The following XPOT variants were observed in gnomAD, a reference collection of about 807,000 sequenced individuals.
The protein encoded by XPOT is exportin-T.
XPOT carries 34 observed loss-of-function variants against 128.2 expected under a neutral mutation model. The ratio of observed to expected loss-of-function variants is 0.27; its 90% CI spans 0.20 to 0.35. The LOEUF is 0.35. Among genes scored for constraint, XPOT ranks in the 10% least tolerant of loss-of-function variants. XPOT has a pLI of 1.00. For missense variants in XPOT, 838 were observed against 1,125.3 expected (o/e 0.74, Z 3.65); for synonymous variants, 348 against 394.3 (o/e 0.88, Z 1.39).
At chr12:64,415,985 A>T (rs990495059) in intron 3 of XPOT, among the ~76,000 whole-genome samples, 12 of 152,334 alleles carry the variant, frequency 7.9e-5, no homozygotes, top group African/African-American at 2.9e-4. Context: ...AAAGCATTCA[A>T]CTAACTTTTT....
In XPOT at chr12:64,448,473, C is replaced by G; in HGVS notation, c.*342C>G. ...AAACAGTGTACTTTTTAAAAAATTG[C>G]TGAATATAAAATCTTTGAAAATTTT... On this transcript the variant is annotated 3_prime_UTR_variant, in exon 25 of 25. Coordinates refer to ENST00000332707, the MANE Select transcript of XPOT (RefSeq NM_007235.6). 5.1e-6 allele frequency: 1 copy of G among 197,128 alleles called. No individual in the cohort carries two copies. The highest frequency in any genetic ancestry group is 1.0e-5 in the Non-Finnish European group (1 of 97,502). The allele number at this position is 197,128 out of a possible 1,614,324, so 12.2% of individuals were successfully genotyped here. A position where few individuals can be genotyped will look rare whatever the true frequency, so the allele number is the denominator to read the frequency against.
chr12:64,424,518 A>T, intron 11 of XPOT, 81 bp from the exon 12 acceptor site: 1 of 1,459,520 alleles, frequency 6.9e-7, no homozygotes, highest in South Asian at 1.4e-5. Flanking sequence ...TTTGTTACAT[A>T]GGTATACATG....
At chr12:64,445,202 C>T in intron 24 of XPOT, 71 bp downstream of exon 24, 1 of 1,174,742 alleles carries the variant, frequency 8.5e-7, no homozygotes, top group Non-Finnish European at 1.2e-6. Context: ...AGAATACATA[C>T]CTGCAATTAT....
Position 64,418,918 on chromosome 12 carries a change from G to A in XPOT, c.313G>A (p.Ala105Thr), listed in dbSNP as rs754244974. 1.9e-6 allele frequency: 3 copies of A among 1,613,814 alleles called. No individual in the cohort carries two copies. The African/African-American group carries it at 4.0e-5, about 22-fold the overall frequency. ...QPEKTFIRNK[A>T]AQVFALLFVT... ...AGAGAAGACCTTTATACGAAATAAA[G>A]CCGCCCAAGTCTTCGCCTTGCTTTT... Residue 105 changes from alanine (A) to threonine (T), a missense_variant, in exon 6 of 25, where the codon GCC becomes ACC. Ala to Thr is a moderately conservative substitution (Grantham distance 58). Coordinates refer to ENST00000332707, the MANE Select transcript of XPOT (RefSeq NM_007235.6).
At chr12:64,444,797 GT>G (rs1473249354) in intron 23 of XPOT, among the ~76,000 whole-genome samples, 1 of 151,970 alleles carries the variant, frequency 6.6e-6, no homozygotes, top group East Asian at 1.9e-4. Flanking sequence ...AGTTTTAAGT[GT>G]TTTTAACTAC....
chr12:64,415,086 AT>A, intron 3 of XPOT, 97 bp downstream of exon 3: 1 of 785,384 alleles, frequency 1.3e-6, no homozygotes, highest in Non-Finnish European at 2.1e-6. Flanking sequence ...TCATAAAAAC[AT>A]TTTATGACTT....
At chr12:64,419,155 C>T in intron 6 of XPOT, 61 bp downstream of exon 6, 1 of 1,375,178 alleles carries the variant, frequency 7.3e-7, no homozygotes, top group Non-Finnish European at 1.0e-6. Flanking sequence ...ATAATGGGCA[C>T]ATAATAAAAA....
At position 64,423,006 on chromosome 12, in the gene XPOT, T is replaced by C. The variant is rs768607393; in HGVS notation, c.1082T>C (p.Leu361Pro). The C allele has an allele frequency of 1.1e-5, 18 of 1,613,010 alleles. No individual in the cohort carries two copies. In the South Asian group the frequency reaches 2.0e-4, roughly 18 times the overall value. Residue 361 changes from leucine (L) to proline (P), a missense_variant and splice_region_variant, in exon 10 of 25, where the codon CTT (leucine) becomes CCT (proline). By Grantham distance (98) the Leu-to-Pro change is moderately conservative. Coordinates refer to ENST00000332707, the MANE Select transcript of XPOT (RefSeq NM_007235.6). ...AAGTTATTGCTTCCTTTTTAACAGC[T>C]TACAGTGCTCTCGGATCAGCAAAAA... is the stretch of plus-strand genomic sequence containing the variant. ...CYDYLHILKQLTVLSDQQKAN... is the reference protein window; with the variant it reads ...CYDYLHILKQPTVLSDQQKAN...
rs754880442 is a variant in XPOT at position 64,430,138 on chromosome 12, G to C, written c.1827G>C (p.Pro609=). The change falls in exon 17 of 25, where the codon CCG becomes CCC. Residue 609 remains proline (P), a synonymous_variant. Coordinates refer to ENST00000332707, the MANE Select transcript of XPOT (RefSeq NM_007235.6). ...TGCTGATTGTTAATAGTGAATATCC[G>C]GCAGAAAGGAAACAAGCCTTAATGA... ...AGVLIVNSEY[P]AERKQALMRN... 2 of 1,613,760 alleles carry C rather than the reference G, an allele frequency of 1.2e-6. No individual in the cohort carries two copies. Among genetic ancestry groups the C allele is most frequent in the Non-Finnish European group, 1.7e-6 (2 of 1,179,838 alleles).
chr12:64,416,614 TG>T, intron 3 of XPOT, 83 bp from the exon 4 acceptor site: 1 of 1,081,496 alleles, frequency 9.2e-7, no homozygotes, highest in Non-Finnish European at 1.4e-6. Flanking sequence ...ACTTTTCTGC[TG>T]TATTACTCAT....
At chr12:64,420,030 G>A (rs747024638) in intron 6 of XPOT, 40 bp from the exon 7 acceptor site, 2 of 1,510,324 alleles carry the variant, frequency 1.3e-6, no homozygotes, top group African/African-American at 1.4e-5. Context: ...ACATGATTTT[G>A]TAAGGTAATC....
chr12:64,430,831 T>A (rs2040232488), intron 17 of XPOT, among the ~76,000 whole-genome samples: 1 of 152,252 alleles, frequency 6.6e-6, no homozygotes, highest in Non-Finnish European at 1.5e-5. Context: ...GATGGTTTTC[T>A]AAATTTAAAT....
At position 64,424,972 on chromosome 12, in the gene XPOT, C is replaced by A. The variant is rs1003421487; in HGVS notation, c.1308-66C>A. 1.1e-5 allele frequency: 17 copies of A among 1,586,590 alleles called. No individual in the cohort carries two copies. The African/African-American group carries it at 2.0e-4, about 19-fold the overall frequency. On this transcript the variant is annotated intron_variant, in intron 12 of 24. Transcript: ENST00000332707. ...AAAAAGGCTTTTGTTGGTGTCTTAC[C>A]CTGTGCATAATTTGCTGTATGAAAA...
At chr12:64,416,898 A>T (rs1339089528) in intron 4 of XPOT, 144 bp downstream of exon 4, 1 of 774,948 alleles carries the variant, frequency 1.3e-6, no homozygotes, top group Non-Finnish European at 2.1e-6. Flanking sequence ...ATACGTTTTG[A>T]TGTACCCCAA....
rs1219355703 is a variant in XPOT at position 64,450,581 on chromosome 12, ACT to A, written c.*2453_*2454del. The A allele has an allele frequency of 6.6e-6, 1 of 152,052 alleles. No individual in the cohort carries two copies. Among genetic ancestry groups the A allele is most frequent in the South Asian group, 2.1e-4 (1 of 4,820 alleles). The allele number at this position is 152,052 out of a possible 1,614,324, so 9.4% of individuals were successfully genotyped here. Reference sequence around the variant, plus strand: ...AAATTGAGTGTGTAATAAAAATTAAACTCTTCATGTTATATAATCATGCATAA... The same window carrying A: ...AAATTGAGTGTGTAATAAAAATTAAACTTCATGTTATATAATCATGCATAA... On this transcript the variant is annotated 3_prime_UTR_variant, in exon 25 of 25. Coordinates refer to ENST00000332707, the MANE Select transcript of XPOT (RefSeq NM_007235.6).
At chr12:64,417,600 G>A (rs1446069908) in intron 4 of XPOT, among the ~76,000 whole-genome samples, 1 of 151,622 alleles carries the variant, frequency 6.6e-6, no homozygotes, top group Non-Finnish European at 1.5e-5. Context: ...TTCTGGAAAA[G>A]TCAGAATATC....
intron 15 of XPOT, among the ~76,000 whole-genome samples, chr12:64,426,825 A>G (rs1565799643): frequency 6.6e-6 from 1 of 152,110 alleles, no homozygotes; most frequent in South Asian, 2.1e-4. Context: ...TCTACTAAAA[A>G]TACAGAAAAT....
chr12:64,434,579 A>G lies in XPOT; in HGVS notation c.2525A>G (p.Gln842Arg), dbSNP rs1456816934. The G allele has an allele frequency of 1.2e-6, 2 of 1,613,988 alleles. No individual in the cohort carries two copies. Among genetic ancestry groups the G allele is most frequent in the East Asian group, 2.2e-5 (1 of 44,876 alleles). The change falls in exon 20 of 25, where the codon CAG (glutamine) becomes CGG (arginine). Residue 842 changes from glutamine to arginine, a missense_variant. Around this residue, in one of 3 missense-constraint regions of XPOT, gnomAD observed 761 missense variants for 988.3 expected, o/e 0.77. Coordinates refer to ENST00000332707, the MANE Select transcript of XPOT (RefSeq NM_007235.6). ...GTTGAATATCCAGATCCAATTGCAC[A>G]GAAAACATGTTTTATCATCCTCTCA... ...GAVEYPDPIAQKTCFIILSKL... is the reference protein window; with the variant it reads ...GAVEYPDPIARKTCFIILSKL...
intron 23 of XPOT, among the ~76,000 whole-genome samples, chr12:64,440,815 GAATTA>G: frequency 6.6e-6 from 1 of 152,148 alleles, no homozygotes; most frequent in South Asian, 2.1e-4. Context: ...TTTTGCTATT[GAATTA>G]GAGGAGTTTT....
Sources: allele counts gnomAD v4.1 joint callset (sites outside exome capture counted in the v4.1 genomes callset), GRCh38; gene constraint gnomAD v4.1.1; regional missense constraint gnomAD v4.1.1; transcripts MANE v1.5; gene names NCBI Gene and HGNC (gene_info 2026-07-23, HGNC 2026-07-21).